Variants in SLC25A36 observed in about 807,000 individuals in gnomAD.
The protein encoded by SLC25A36 is solute carrier family 25 member 36, also known as epididymis secretory sperm binding protein.
In SLC25A36, 24 loss-of-function variants were observed where a neutral mutation model predicts 35.3. The observed-to-expected ratio is 0.68, with a 90% CI of 0.49 to 0.96. SLC25A36 has a LOEUF of 0.96. Among genes scored for constraint, SLC25A36 ranks in the 40% least tolerant of loss-of-function variants. The probability of loss-of-function intolerance (pLI) is 0.00; values close to 1 mark genes in which losing one functional copy is unlikely to be tolerated. For synonymous variants in SLC25A36, 141 were observed against 132.2 expected (o/e 1.07, Z -0.46); for missense variants, 294 against 381.1 (o/e 0.77, Z 1.90).
rs368751761 is a variant in SLC25A36 at position 140,974,015 on chromosome 3, G to A, written c.742+10G>A. The A allele has an allele frequency of 1.3e-6, 2 of 1,498,020 alleles. No homozygotes were observed. Among genetic ancestry groups the A allele is most frequent in the Admixed American group, 2.2e-5 (1 of 46,390 alleles). 92.8% of individuals were successfully genotyped at this position (1,498,020 alleles called of 1,614,324 possible). A position where few individuals can be genotyped will look rare whatever the true frequency, so the allele number is the denominator to read the frequency against. On this transcript the variant is annotated intron_variant, in intron 6 of 6. Coordinates refer to ENST00000324194, the MANE Select transcript of SLC25A36 (RefSeq NM_001104647.3). ...ATAGCATATCCACATGGTAAGAAGA[G>A]TTATCTATTAAATCAGAAATATTTT...
chr3:140,956,865 G>A (rs112990549), intron 2 of SLC25A36, 174 bp downstream of exon 2: 1 of 1,076,976 alleles, frequency 9.3e-7, no homozygotes, highest in South Asian at 4.2e-5. Context: ...AGAACAGTTA[G>A]ACAGATAAGA....
At chr3:140,952,866 C>T (rs1018639592) in intron 1 of SLC25A36, among the ~76,000 whole-genome samples, 1 of 152,056 alleles carries the variant, frequency 6.6e-6, no homozygotes, top group African/African-American at 2.4e-5. Context: ...AGAAGTTATT[C>T]ATATTCAAGA....
At chr3:140,965,022 A>G (rs375103851) in intron 4 of SLC25A36, 37 of 151,970 alleles carry the variant, frequency 2.4e-4, no homozygotes, top group African/African-American at 7.5e-4. Flanking sequence ...TAAACTTACA[A>G]TCTCATACTT....
Position 140,977,625 on chromosome 3 carries a change from T to C in SLC25A36, c.*1172T>C, listed in dbSNP as rs1935082061. The C allele has an allele frequency of 6.6e-6, 1 of 152,212 alleles. No homozygotes were observed. Among genetic ancestry groups the C allele is most frequent in the South Asian group, 2.1e-4 (1 of 4,834 alleles). 9.4% of individuals were successfully genotyped at this position (152,212 alleles called of 1,614,324 possible). On this transcript the variant is annotated 3_prime_UTR_variant, in exon 7 of 7. Coordinates refer to ENST00000324194, the MANE Select transcript of SLC25A36 (RefSeq NM_001104647.3). ...GATTCAAGTTCATTTGGGTTAAATG[T>C]GCTAATAGGATGTAGCTTTTAAATT...
At position 140,980,794 on chromosome 3, in the gene SLC25A36, G is replaced by A. The variant is rs576608693; in HGVS notation, c.*4341G>A. Among the ~76,000 whole-genome samples, 122 of 139,100 alleles carry A rather than the reference G, an allele frequency of 8.8e-4. No individual in the cohort carries two copies. Among genetic ancestry groups the A allele is most frequent in the South Asian group, 3.8e-3 (16 of 4,212 alleles). The allele number at this position is 139,100 out of a possible 152,430, so 91.3% of individuals were successfully genotyped here. ...CAGGTCACTGCAACCTCTGCCTCCC[G>A]GGTTCAAGCGATTCTGCCTCAGCCT... On this transcript the variant is annotated 3_prime_UTR_variant, in exon 7 of 7. Coordinates refer to ENST00000324194, the MANE Select transcript of SLC25A36 (RefSeq NM_001104647.3).
chr3:140,970,820 A>G (rs73234803), intron 4 of SLC25A36, 107 bp from the exon 5 acceptor site: 25,272 of 593,282 alleles, frequency 0.043, 715 homozygotes, highest in Middle Eastern at 0.079. Context: ...TTAGTAGTTT[A>G]TTTATATACA....
chr3:140,975,436 A>G (rs1935017255), intron 6 of SLC25A36, among the ~76,000 whole-genome samples: 1 of 152,170 alleles, frequency 6.6e-6, no homozygotes, highest in African/African-American at 2.4e-5. Flanking sequence ...GTTAAATGGC[A>G]CGAATCTTTA....
At chr3:140,942,198 G>A (rs1934026091) in intron 1 of SLC25A36, 103 bp downstream of exon 1, 1 of 134,016 alleles carries the variant, frequency 7.5e-6, no homozygotes, top group South Asian at 2.1e-4. Context: ...GGGTGGGGGG[G>A]CGGGAGTGAG....
intron 3 of SLC25A36, 58 bp downstream of exon 3, chr3:140,959,598 C>T (rs780518683): frequency 1.6e-5 from 12 of 767,632 alleles, no homozygotes; most frequent in Non-Finnish European, 2.0e-5. Context: ...TGTTTCAGCA[C>T]ACCTGGATTT....
intron 6 of SLC25A36, among the ~76,000 whole-genome samples, chr3:140,976,007 A>G (rs746760761): frequency 1.3e-5 from 2 of 152,226 alleles, no homozygotes; most frequent in South Asian, 4.2e-4. Context: ...CATACAACTG[A>G]TACTTCTCTC....
rs1935127633 is a variant in SLC25A36, at chr3:140,979,190, G to GAT, written c.*2739_*2740dup. The stretch of plus-strand genomic sequence containing the variant: ...AGTGAATTTGTAACTTTGAAGTCAG[G>GAT]ATAGAATATCATTAGATTATCTGTG... On this transcript the variant is annotated 3_prime_UTR_variant, in exon 7 of 7. Coordinates refer to ENST00000324194, the MANE Select transcript of SLC25A36 (RefSeq NM_001104647.3). The GAT allele has an allele frequency of 6.6e-6, 1 of 152,156 alleles. No homozygotes were observed. The highest frequency in any genetic ancestry group is 1.5e-5 in the Non-Finnish European group (1 of 67,996). 9.4% of individuals were successfully genotyped at this position (152,156 alleles called of 1,614,324 possible). A position where few individuals can be genotyped will look rare whatever the true frequency, so the allele number is the denominator to read the frequency against.
At chr3:140,951,227 GT>G (rs535518185) in intron 1 of SLC25A36, among the ~76,000 whole-genome samples, 12 of 152,122 alleles carry the variant, frequency 7.9e-5, no homozygotes, top group Non-Finnish European at 1.5e-4. Context: ...CCTTTAGACA[GT>G]GAGATTTTTG....
At chr3:140,950,902 G>GTGTGTGTC (rs57953917) in intron 1 of SLC25A36, among the ~76,000 whole-genome samples, 4,177 of 129,558 alleles carry the variant, frequency 0.032, 198 homozygotes, top group African/African-American at 0.13. Flanking sequence ...GTGTGTCTCT[G>GTGTGTGTC]TGTGTGTCTG....
chr3:140,961,855 CAAAAAAAAAAAA>C (rs553759457), intron 3 of SLC25A36, among the ~76,000 whole-genome samples: 100 of 35,842 alleles, frequency 2.8e-3, no homozygotes, highest in South Asian at 7.3e-3. Context: ...GGCTCCGTCT[CAAAAAAAAAAAA>C]AAAAAAAAAA....
rs1935104250 is a variant in SLC25A36 at position 140,978,343 on chromosome 3, C to A, written c.*1890C>A. ...TACCAAAAACCGGTTTGTAACAAAT[C>A]TGTAGAGAAGGTCTGAATCTATCGT... On this transcript the variant is annotated 3_prime_UTR_variant, in exon 7 of 7. Transcript: ENST00000324194. The A allele has an allele frequency of 6.6e-6, 1 of 152,198 alleles. No individual in the cohort carries two copies. Among genetic ancestry groups the A allele is most frequent in the Non-Finnish European group, 1.5e-5 (1 of 68,018 alleles). The allele number at this position is 152,198 out of a possible 1,614,324, so 9.4% of individuals were successfully genotyped here.
intron 1 of SLC25A36, among the ~76,000 whole-genome samples, chr3:140,950,902 GTGTGTGTCTGTGTGTC>G (rs57953917): frequency 2.2e-4 from 29 of 129,606 alleles, no homozygotes; most frequent in East Asian, 6.8e-4. Flanking sequence ...GTGTGTCTCT[GTGTGTGTCTGTGTGTC>G]TGTGTGTGTG....
Position 140,980,151 on chromosome 3 carries a change from C to T in SLC25A36, c.*3698C>T, listed in dbSNP as rs1015332457. On this transcript the variant is annotated 3_prime_UTR_variant, in exon 7 of 7. Coordinates refer to ENST00000324194, the MANE Select transcript of SLC25A36 (RefSeq NM_001104647.3). ...CAAAGGTCAAGTAATCCAACTCCCT[C>T]ATAGTGTACAAAGAAATCTTGCATA... Among the ~76,000 whole-genome samples, 1 of 152,174 alleles carries T rather than the reference C, an allele frequency of 6.6e-6. No homozygotes were observed. The highest frequency in any genetic ancestry group is 1.5e-5 in the Non-Finnish European group (1 of 68,028).
intron 1 of SLC25A36, among the ~76,000 whole-genome samples, chr3:140,955,946 T>A (rs1050799805): frequency 6.6e-6 from 1 of 152,152 alleles, no homozygotes; most frequent in Non-Finnish European, 1.5e-5. Flanking sequence ...TCTTGTCTCC[T>A]CCCAAAGCTC....
At position 140,970,923 on chromosome 3, in the gene SLC25A36, T is replaced by G; in HGVS notation, c.386-4T>G. The G allele has an allele frequency of 7.1e-7, 1 of 1,409,526 alleles. No individual in the cohort carries two copies. The allele number at this position is 1,409,526 out of a possible 1,614,324, so 87.3% of individuals were successfully genotyped here. On this transcript the variant is annotated splice_polypyrimidine_tract_variant and splice_region_variant and intron_variant, in intron 4 of 6. Coordinates refer to ENST00000324194, the MANE Select transcript of SLC25A36 (RefSeq NM_001104647.3). ...CAGAGTTCATTTTAAACATGTTTGT[T>G]TAGGTTTTACTGCAATCACAGCAAC...
Sources: allele counts gnomAD v4.1 joint callset (sites outside exome capture counted in the v4.1 genomes callset), GRCh38; gene constraint gnomAD v4.1.1; transcripts MANE v1.5; gene names NCBI Gene and HGNC (gene_info 2026-07-23, HGNC 2026-07-21).